Variants in SIRT2 observed in about 807,000 individuals in gnomAD.
SIRT2 encodes NAD-dependent protein deacetylase sirtuin-2.
In SIRT2, 40 loss-of-function variants were observed where a neutral mutation model predicts 57.4. That is an observed-to-expected ratio of 0.70 (90% CI 0.54 to 0.91). The LOEUF (loss-of-function observed/expected upper bound fraction) is 0.91. Among genes scored for constraint, SIRT2 ranks in the 40% least tolerant of loss-of-function variants. SIRT2 has a pLI of 0.00. For missense variants in SIRT2, 439 were observed against 510.4 expected (o/e 0.86, Z 1.35); for synonymous variants, 161 against 195.7 (o/e 0.82, Z 1.48).
At chr19:38,893,666 C>G in intron 3 of SIRT2, 139 bp from the exon 4 acceptor site, 2 of 1,218,552 alleles carry the variant, frequency 1.6e-6, no homozygotes, top group Non-Finnish European at 2.4e-6. Context: ...CCAGCGGCCT[C>G]CAGGAGCCTG....
intron 10 of SIRT2, 59 bp from the exon 11 acceptor site, chr19:38,881,214 G>T: frequency 1.3e-6 from 2 of 1,555,058 alleles, no homozygotes; most frequent in East Asian, 2.3e-5. Flanking sequence ...GAGAGGACAG[G>T]TGGGAGCAAT....
chr19:38,889,792 G>A (rs190524849), intron 6 of SIRT2, 47 bp from the exon 7 acceptor site: 1 of 1,613,862 alleles, frequency 6.2e-7, no homozygotes, highest in South Asian at 1.1e-5. Context: ...GTAGCGTGAG[G>A]GTTGGAGCCA....
intron 8 of SIRT2, among the ~76,000 whole-genome samples, chr19:38,888,584 G>A (rs185156551): frequency 6.3e-4 from 96 of 152,312 alleles, no homozygotes; most frequent in African/African-American, 1.9e-3. Flanking sequence ...AGCACCTGAC[G>A]TGTACGAGAC....
At chr19:38,886,235 G>A (rs1388247093) in intron 8 of SIRT2, among the ~76,000 whole-genome samples, 1 of 152,122 alleles carries the variant, frequency 6.6e-6, no homozygotes, top group Non-Finnish European at 1.5e-5. Context: ...CTACAGACAA[G>A]AGTCACTGTC....
chr19:38,889,587 T>A, intron 7 of SIRT2, 102 bp downstream of exon 7: 1 of 1,349,932 alleles, frequency 7.4e-7, no homozygotes, highest in Admixed American at 1.9e-5. Flanking sequence ...CCCATGTACT[T>A]AATGGCTACA....
At chr19:38,899,352 C>A (rs1315844884) in intron 1 of SIRT2, among the ~76,000 whole-genome samples, 154 bp downstream of exon 1, 2 of 152,208 alleles carry the variant, frequency 1.3e-5, no homozygotes, top group Non-Finnish European at 2.9e-5. Flanking sequence ...ACCAGCCTAG[C>A]GATACAGATC....
chr19:38,893,745 TC>T, intron 3 of SIRT2, 73 bp downstream of exon 3: 1 of 1,556,274 alleles, frequency 6.4e-7, no homozygotes, highest in Non-Finnish European at 8.8e-7. Flanking sequence ...TGAGGAGGTA[TC>T]ACCCACACCC....
rs1203459352 is a variant in SIRT2, at chr19:38,883,674, C to A, written c.584G>T (p.Cys195Phe). Residue 195 changes from cysteine to phenylalanine, a missense_variant, in exon 9 of 16, where the codon TGC becomes TTC. By Grantham distance (205) the Cys-to-Phe change is radical. Transcript: ENST00000249396. ...TTCGTGCCGGCAGCTGGCGCTGACG[C>A]AGTGTGATGTGTAGAAGGTGCCGTG... is the stretch of plus-strand genomic sequence containing the variant. ...EAHGTFYTSH[C>F]VSASCRHEYP... 1 of 1,614,172 alleles carries A rather than the reference C, an allele frequency of 6.2e-7. No individual in the cohort carries two copies. The highest frequency in any genetic ancestry group is 1.7e-5 in the Admixed American group (1 of 60,020).
At chr19:38,890,029 A>C in intron 5 of SIRT2, 68 bp from the exon 6 acceptor site, 25 of 1,609,284 alleles carry the variant, frequency 1.6e-5, no homozygotes, top group Non-Finnish European at 2.1e-5. Context: ...GGGCTCAGAT[A>C]GGGCTCCTCC....
At chr19:38,889,053 C>T in intron 8 of SIRT2, 34 bp downstream of exon 8, 1 of 1,596,948 alleles carries the variant, frequency 6.3e-7, no homozygotes, top group Non-Finnish European at 8.5e-7. Flanking sequence ...TTCCACCCGC[C>T]CATCCTCCTC....
chr19:38,893,593 A>G, intron 3 of SIRT2, 66 bp from the exon 4 acceptor site: 2 of 1,289,144 alleles, frequency 1.6e-6, no homozygotes, highest in Non-Finnish European at 2.2e-6. Context: ...TGTCTCCGGC[A>G]CCCTGGCCCC....
chr19:38,893,876 G>T lies in SIRT2; in HGVS notation c.64-9C>A, dbSNP rs1973629795. On this transcript the variant is annotated splice_polypyrimidine_tract_variant and intron_variant, in intron 2 of 15. Coordinates refer to ENST00000249396, the MANE Select transcript of SIRT2 (RefSeq NM_012237.4). ...GAGTCTGAATCTGAGTCCTGGAAGG[G>T]GTGGGGTGGAGTGGCCAGGCCCGAG... is the stretch of plus-strand genomic sequence containing the variant. 1 of 1,613,942 alleles carries T rather than the reference G, an allele frequency of 6.2e-7. No homozygotes were observed. Among genetic ancestry groups the T allele is most frequent in the African/African-American group, 1.3e-5 (1 of 74,924 alleles).
chr19:38,883,926 T>C (rs1973240691), intron 8 of SIRT2, among the ~76,000 whole-genome samples, 170 bp from the exon 9 acceptor site: 1 of 152,006 alleles, frequency 6.6e-6, no homozygotes, highest in Middle Eastern at 3.2e-3. Context: ...CTTCTGTTCA[T>C]CCCAATGGTG....
chr19:38,884,435 GGTTTGTTTGTTTGTTT>G (rs35505058), intron 8 of SIRT2, among the ~76,000 whole-genome samples: 1 of 151,636 alleles, frequency 6.6e-6, no homozygotes, highest in Non-Finnish European at 1.5e-5. Flanking sequence ...TACTAGGTGT[GGTTTGTTTGTTTGTTT>G]GTTTGTTTGT....
rs749197498 is a variant in SIRT2, at chr19:38,879,308, C to T, written c.1017G>A (p.Lys339=). ...CCCTCCGGACAAGGTCCTCCAGCTC[C>T]TTCTGCAGGAGCAAAGGTCACAGAA... ...LALAELLGWK[K]ELEDLVRREH... is the part of the protein sequence containing the mutation. Residue 339 remains lysine, a splice_region_variant and synonymous_variant, in exon 16 of 16, where the codon AAG becomes AAA. Coordinates refer to ENST00000249396, the MANE Select transcript of SIRT2 (RefSeq NM_012237.4). 4 of 1,613,420 alleles carry T rather than the reference C, an allele frequency of 2.5e-6. No homozygotes were observed. The African/African-American group carries it at 4.0e-5, about 16-fold the overall frequency.
At chr19:38,881,611 T>A in intron 9 of SIRT2, 120 bp from the exon 10 acceptor site, 1 of 744,754 alleles carries the variant, frequency 1.3e-6, no homozygotes, top group Non-Finnish European at 2.4e-6. Flanking sequence ...TCACTTGGAG[T>A]GTGATGGGTG....
At chr19:38,896,502 C>T (rs1022047514) in intron 2 of SIRT2, among the ~76,000 whole-genome samples, 5 of 152,150 alleles carry the variant, frequency 3.3e-5, no homozygotes, top group Admixed American at 6.5e-5. Context: ...TGTGAGCCAC[C>T]GTGCCCGGCC....
intron 4 of SIRT2, chr19:38,891,819 C>T: frequency 2.1e-6 from 1 of 465,364 alleles, no homozygotes; most frequent in Non-Finnish European, 4.4e-6. Flanking sequence ...CAGGAGGACA[C>T]AAGGAACAAA....
At chr19:38,881,350 G>A in intron 10 of SIRT2, 82 bp downstream of exon 10, 1 of 1,318,132 alleles carries the variant, frequency 7.6e-7, no homozygotes, top group Non-Finnish European at 1.1e-6. Context: ...ATGTGTGCGG[G>A]TGTGGCCTTT....
Sources: allele counts gnomAD v4.1 joint callset (sites outside exome capture counted in the v4.1 genomes callset), GRCh38; gene constraint gnomAD v4.1.1; transcripts MANE v1.5; gene names NCBI Gene and HGNC (gene_info 2026-07-23, HGNC 2026-07-21).